The following PWWP3A variants were observed in gnomAD, a reference collection of about 807,000 sequenced individuals.
PWWP3A encodes PWWP domain-containing DNA repair factor 3A.
PWWP3A carries 53 observed loss-of-function variants against 79.0 expected under a neutral mutation model. That is an observed-to-expected ratio of 0.67 (90% CI 0.54 to 0.84). PWWP3A has a LOEUF of 0.84. Among genes scored for constraint, PWWP3A ranks in the 40% least tolerant of loss-of-function variants. The pLI is 0.00. For synonymous variants in PWWP3A, 443 were observed against 394.4 expected, an observed-to-expected ratio of 1.12 and a Z score of -1.46; for missense variants, 973 against 948.0, an observed-to-expected ratio of 1.03 and a Z score of -0.35.
rs757594192 is a variant in PWWP3A, at chr19:1,369,262, T to C, written c.1423-3T>C. 11 of 1,614,064 alleles carry C rather than the reference T, an allele frequency of 6.8e-6. No individual in the cohort carries two copies. The highest frequency in any genetic ancestry group is 8.5e-6 in the Non-Finnish European group (10 of 1,179,982). Reference sequence around the variant, plus strand: ...GACGCCTGCTGCCCGGATCTCATTGTAGAATCAAGCCAGGGAGGACTTCAA... The same window carrying C: ...GACGCCTGCTGCCCGGATCTCATTGCAGAATCAAGCCAGGGAGGACTTCAA... On this transcript the variant is annotated splice_region_variant and splice_polypyrimidine_tract_variant and intron_variant, in intron 9 of 13. Coordinates refer to ENST00000591337, the MANE Select transcript of PWWP3A (RefSeq NM_001369789.1). The surrounding 1 kb of genome is among the most constrained non-coding windows in gnomAD (Gnocchi z 4.0).
chr19:1,375,539 TATATATAAAATATATATTATATATAAA>T (rs2082355836), intron 13 of PWWP3A, among the ~76,000 whole-genome samples: 1 of 134,762 alleles, frequency 7.4e-6, no homozygotes, highest in African/African-American at 2.8e-5. Context: ...TTATATATTT[TATATATAAAATATATATTATATATAAA>T]ATATATTATA....
Position 1,356,457 on chromosome 19 carries a change from C to G in PWWP3A, c.57+8C>G, listed in dbSNP as rs779755478. 6.2e-7 allele frequency: 1 copy of G among 1,613,742 alleles called. No individual in the cohort carries two copies. Among genetic ancestry groups the G allele is most frequent in the Non-Finnish European group, 8.5e-7 (1 of 1,179,662 alleles). ...CGATTATGGCCTGCGAAGGTGACAG[C>G]CATTATTCTGTAACTTCAGGACTTA... On this transcript the variant is annotated splice_region_variant and intron_variant, in intron 2 of 13. Coordinates refer to ENST00000591337, the MANE Select transcript of PWWP3A (RefSeq NM_001369789.1).
rs759607918 is a variant in PWWP3A, at chr19:1,360,897, T to G, written c.976T>G (p.Ser326Ala). 3.9e-6 allele frequency: 6 copies of G among 1,540,874 alleles called. No homozygotes were observed. The Admixed American group carries it at 1.2e-4, about 32-fold the overall frequency. The part of the protein sequence containing the change: ...LEPMAAGAAP[S>A]PGPGPGPRES... ...GCCCATGGCAGCAGGGGCCGCACCA[T>G]CCCCCGGGCCGGGGCCAGGGCCCAG... The change falls in exon 5 of 14, where the codon TCC becomes GCC. Residue 326 changes from serine (S) to alanine (A), a missense_variant. Physicochemically the swap from Ser to Ala is moderately conservative, Grantham distance 99. Coordinates refer to ENST00000591337, the MANE Select transcript of PWWP3A (RefSeq NM_001369789.1). The surrounding 1 kb of genome is among the most constrained non-coding windows in gnomAD (Gnocchi z 4.4).
At chr19:1,367,732 AG>A (rs1255512663) in intron 9 of PWWP3A, among the ~76,000 whole-genome samples, 1 of 152,240 alleles carries the variant, frequency 6.6e-6, no homozygotes, top group Non-Finnish European at 1.5e-5. Flanking sequence ...ATCTGCAGCC[AG>A]CTTTCATCAT....
At position 1,370,645 on chromosome 19, in the gene PWWP3A, A is replaced by C. The variant is rs183802399; in HGVS notation, c.1553A>C (p.Tyr518Ser). 9.7e-6 allele frequency: 14 copies of C among 1,448,620 alleles called. No individual in the cohort carries two copies. The highest frequency in any genetic ancestry group is 2.9e-5 in the African/African-American group (2 of 69,754). 89.7% of individuals were successfully genotyped at this position (1,448,620 alleles called of 1,614,324 possible). The change falls in exon 12 of 14, where the codon TAT (tyrosine) becomes TCT (serine). Residue 518 changes from tyrosine to serine, a missense_variant. Transcript: ENST00000591337. The stretch of plus-strand genomic sequence containing the variant: ...ACGACAGGTGCTTCTTTTGCAGGCT[A>C]TCCTGTCCGAAAATCCATCCAGCAG... ...FLEYYAADIS[Y>S]PVRKSIQQDV... is the part of the protein sequence containing the mutation.
intron 4 of PWWP3A, 114 bp downstream of exon 4, chr19:1,358,578 T>C (rs1410714916): frequency 1.9e-6 from 3 of 1,599,170 alleles, no homozygotes; most frequent in Non-Finnish European, 2.6e-6. Context: ...CATGTTTTTC[T>C]TCATACAAGG....
Position 1,367,227 on chromosome 19 carries a change from GGAT to G in PWWP3A, c.1422+12_1422+14del. The G allele has an allele frequency of 6.2e-7, 1 of 1,610,486 alleles. No homozygotes were observed. Among genetic ancestry groups the G allele is most frequent in the Non-Finnish European group, 8.5e-7 (1 of 1,177,728 alleles). On this transcript the variant is annotated splice_region_variant and intron_variant, in intron 9 of 13. Transcript: ENST00000591337. ...AGAGAAACAGACGCTTCTGGTAGGT[GGAT>G]GATGTTTTGTGCTTGCTTTAAATGG...
intron 3 of PWWP3A, 66 bp from the exon 4 acceptor site, chr19:1,358,328 A>C: frequency 7.1e-7 from 1 of 1,412,382 alleles, no homozygotes; most frequent in East Asian, 2.3e-5. Flanking sequence ...ATCTAAAGGA[A>C]AACATGTTTG....
chr19:1,376,438 G>A, intron 13 of PWWP3A, 81 bp from the exon 14 acceptor site: 1 of 1,452,756 alleles, frequency 6.9e-7, no homozygotes, highest in Non-Finnish European at 9.6e-7. Flanking sequence ...ACAGGCGTGA[G>A]CGACCACACC....
intron 3 of PWWP3A, 42 bp downstream of exon 3, chr19:1,357,136 G>T: frequency 1.4e-6 from 2 of 1,474,296 alleles, no homozygotes; most frequent in Non-Finnish European, 1.9e-6. Context: ...TTCCCGTGTA[G>T]ATTTCTGATA....
chr19:1,375,573 T>TGTATA (rs1491356986), intron 13 of PWWP3A, among the ~76,000 whole-genome samples: 3 of 124,854 alleles, frequency 2.4e-5, no homozygotes, highest in Middle Eastern at 3.6e-3. Flanking sequence ...TAAAATATAT[T>TGTATA]ATATATAAAA....
In PWWP3A at chr19:1,370,710, A is replaced by G. The variant is rs1171035958; in HGVS notation, c.1618A>G (p.Ser540Gly). 4.8e-5 allele frequency: 70 copies of G among 1,460,872 alleles called. No individual in the cohort carries two copies. The highest frequency in any genetic ancestry group is 6.0e-5 in the Non-Finnish European group (66 of 1,104,812). The allele number at this position is 1,460,872 out of a possible 1,614,324, so 90.5% of individuals were successfully genotyped here. The change falls in exon 12 of 14, where the codon AGC (serine) becomes GGC (glycine). Residue 540 changes from serine (S) to glycine (G), a missense_variant. Coordinates refer to ENST00000591337, the MANE Select transcript of PWWP3A (RefSeq NM_001369789.1). Reference sequence around the variant, plus strand: ...CAAGCTTCCTCAACTGAGCAAGGGGAGCCCCGAGGAGCCCGTGGTGGGGTG... The same window carrying G: ...CAAGCTTCCTCAACTGAGCAAGGGGGGCCCCGAGGAGCCCGTGGTGGGGTG... The part of the protein sequence containing the change: ...GTKLPQLSKG[S>G]PEEPVVGCPL...
At position 1,370,940 on chromosome 19, in the gene PWWP3A, G is replaced by A. The variant is rs2082243324; in HGVS notation, c.1848G>A (p.Glu616=). ...CCAGCCAGTACGTGACCTGTGTGGAGACCTACCTGGAGGATGAGGGGCAGC... is the reference window on the plus strand; with the variant it reads ...CCAGCCAGTACGTGACCTGTGTGGAAACCTACCTGGAGGATGAGGGGCAGC... ...LSSSQYVTCV[E]TYLEDEGQLD... Residue 616 remains glutamate (E), a synonymous_variant, in exon 12 of 14, where the codon GAG becomes GAA. Coordinates refer to ENST00000591337, the MANE Select transcript of PWWP3A (RefSeq NM_001369789.1). 1 of 1,556,746 alleles carries A rather than the reference G, an allele frequency of 6.4e-7. No homozygotes were observed. The highest frequency in any genetic ancestry group is 8.7e-7 in the Non-Finnish European group (1 of 1,149,646).
chr19:1,368,371 T>C lies in PWWP3A; in HGVS notation c.1423-894T>C, dbSNP rs773088825. Among the ~76,000 whole-genome samples, 7 of 151,934 alleles carry C rather than the reference T, an allele frequency of 4.6e-5. No homozygotes were observed. Among genetic ancestry groups the C allele is most frequent in the Non-Finnish European group, 1.0e-4 (7 of 67,988 alleles). The stretch of plus-strand genomic sequence containing the variant: ...GGTGCCCGCTTCTTCTTCCTAAGAG[T>C]GCGCTCACATCTGCTTGTGAGTCAG... On this transcript the variant is annotated intron_variant, in intron 9 of 13. Transcript: ENST00000591337. The surrounding 1 kb of genome is among the most constrained non-coding windows in gnomAD (Gnocchi z 4.7).
chr19:1,374,073 AG>A (rs1261628011), intron 13 of PWWP3A: 1 of 152,012 alleles, frequency 6.6e-6, no homozygotes, highest in Non-Finnish European at 1.5e-5. Flanking sequence ...AGGTCCGGGG[AG>A]GGGGTAAGGT....
intron 11 of PWWP3A, 60 bp from the exon 12 acceptor site, chr19:1,370,582 C>G: frequency 7.1e-7 from 1 of 1,413,950 alleles, no homozygotes; most frequent in Non-Finnish European, 9.3e-7. Flanking sequence ...GGCCCTGACC[C>G]ACAGCCACCC....
chr19:1,360,421 A>T lies in PWWP3A; in HGVS notation c.500A>T (p.Glu167Val). Residue 167 changes from glutamate to valine, a missense_variant, in exon 5 of 14, where the codon GAA becomes GTA. Transcript: ENST00000591337. This position sits in a 1 kb window ranked among gnomAD's most constrained non-coding sequence, Gnocchi z 4.4. ...AGCCTGTCAAGTTCGTTCACTTGTG[A>T]AAAGGACCCCGAGTGCAAAGTGGAC... is the stretch of plus-strand genomic sequence containing the variant. ...QQSLSSSFTC[E>V]KDPECKVDHK... The T allele has an allele frequency of 1.2e-6, 2 of 1,614,152 alleles. No homozygotes were observed. Among genetic ancestry groups the T allele is most frequent in the East Asian group, 4.5e-5 (2 of 44,876 alleles).
chr19:1,358,266 CT>C, intron 3 of PWWP3A, 127 bp from the exon 4 acceptor site: 2 of 819,186 alleles, frequency 2.4e-6, no homozygotes, highest in Non-Finnish European at 1.9e-6. Context: ...TTGGCTGTGA[CT>C]TTTGGTTTAA....
rs765095214 is a variant in PWWP3A, at chr19:1,356,386, G to A, written c.-7G>A. ...AATCATTGCCACTTGCCACATGAGT[G>A]TAAATGATGGCGGATGCCAAGTATG... On this transcript the variant is annotated 5_prime_UTR_variant, in exon 2 of 14. Transcript: ENST00000591337. 2 of 1,614,196 alleles carry A rather than the reference G, an allele frequency of 1.2e-6. No individual in the cohort carries two copies. Among genetic ancestry groups the A allele is most frequent in the African/African-American group, 1.3e-5 (1 of 75,064 alleles).
Sources: gnomAD v4.1 joint callset for allele counts (sites outside exome capture counted in the v4.1 genomes callset) on GRCh38, gnomAD v4.1.1 for gene constraint, Gnocchi (gnomAD v3.1) non-coding constraint, MANE v1.5 for transcripts, NCBI Gene and HGNC (gene_info 2026-07-23, HGNC 2026-07-21) for gene names.